The following UBE2E2 variants were observed in gnomAD, a reference collection of about 807,000 sequenced individuals.
UBE2E2 encodes the protein ubiquitin-conjugating enzyme E2 E2.
Under a neutral mutation model 24.7 loss-of-function variants are expected in UBE2E2, and 6 were observed. The observed-to-expected ratio is 0.24, with a 90% CI of 0.13 to 0.48. UBE2E2 has a LOEUF of 0.48. Among genes scored for constraint, UBE2E2 ranks in the 20% least tolerant of loss-of-function variants. The pLI, the probability that UBE2E2 is intolerant of heterozygous loss-of-function variation, is 0.99. For missense variants in UBE2E2, 169 were observed against 245.0 expected, an observed-to-expected ratio of 0.69 and a Z score of 2.07; for synonymous variants, 104 against 83.6, an observed-to-expected ratio of 1.24 and a Z score of -1.33.
intron 5 of UBE2E2, among the ~76,000 whole-genome samples, chr3:23,560,574 A>T (rs956746570): frequency 2.3e-4 from 35 of 152,030 alleles, no homozygotes; most frequent in Non-Finnish European, 3.4e-4. Context: ...TCCTTTGGGT[A>T]TACGCCCAGT....
chr3:23,434,504 C>T (rs1321213049), intron 3 of UBE2E2, among the ~76,000 whole-genome samples: 1 of 152,058 alleles, frequency 6.6e-6, no homozygotes, highest in Non-Finnish European at 1.5e-5. Flanking sequence ...CTATGTGTGT[C>T]CAAAGGAGTT....
intron 3 of UBE2E2, among the ~76,000 whole-genome samples, chr3:23,467,720 C>T (rs1226380815): frequency 6.6e-6 from 1 of 152,130 alleles, no homozygotes; most frequent in Non-Finnish European, 1.5e-5. Context: ...AGTACGTTCT[C>T]ACACTGCTAT....
intron 3 of UBE2E2, among the ~76,000 whole-genome samples, chr3:23,432,209 C>A (rs899191026): frequency 2.0e-5 from 3 of 152,082 alleles, no homozygotes; most frequent in Non-Finnish European, 4.4e-5. Flanking sequence ...GAGTTCTTGC[C>A]ATTCCTAATT....
intron 3 of UBE2E2, among the ~76,000 whole-genome samples, chr3:23,263,422 A>G (rs1440760295): frequency 6.6e-6 from 1 of 152,226 alleles, no homozygotes; most frequent in Non-Finnish European, 1.5e-5. Context: ...GCTTCTGCCT[A>G]TAATATTGAT....
intron 3 of UBE2E2, among the ~76,000 whole-genome samples, chr3:23,223,421 G>A (rs1249996551): frequency 6.6e-6 from 1 of 152,036 alleles, no homozygotes; most frequent in Non-Finnish European, 1.5e-5. Context: ...TCAAACTCCT[G>A]ACCTCAAGTG....
intron 3 of UBE2E2, among the ~76,000 whole-genome samples, chr3:23,263,516 T>C (rs1231288240): frequency 6.6e-6 from 1 of 152,240 alleles, no homozygotes; most frequent in East Asian, 1.9e-4. Context: ...AGTCACTTTT[T>C]GGAACATGAT....
intron 3 of UBE2E2, among the ~76,000 whole-genome samples, chr3:23,254,397 C>T (rs539439369): frequency 3.5e-4 from 53 of 152,152 alleles, no homozygotes; most frequent in East Asian, 1.9e-3. Flanking sequence ...TGGAAGTGTG[C>T]GTAGGTATTT....
intron 3 of UBE2E2, among the ~76,000 whole-genome samples, chr3:23,469,332 AATAG>A (rs1698987297): frequency 2.6e-5 from 4 of 152,348 alleles, no homozygotes; most frequent in South Asian, 4.1e-4. Context: ...GAGAGAAGAT[AATAG>A]ATAAAGAATG....
At chr3:23,571,640 G>C (rs948327570) in intron 5 of UBE2E2, among the ~76,000 whole-genome samples, 1 of 151,986 alleles carries the variant, frequency 6.6e-6, no homozygotes, top group African/African-American at 2.4e-5. Flanking sequence ...CGTACAGACC[G>C]CTTTTTTTGC....
intron 3 of UBE2E2, among the ~76,000 whole-genome samples, chr3:23,307,874 C>G (rs1359102335): frequency 6.6e-6 from 1 of 152,146 alleles, no homozygotes; most frequent in Non-Finnish European, 1.5e-5. Flanking sequence ...TAATGCCCTA[C>G]AATGTAAGCA....
chr3:23,275,308 G>A (rs1407383155), intron 3 of UBE2E2, among the ~76,000 whole-genome samples: 2 of 152,186 alleles, frequency 1.3e-5, no homozygotes, highest in South Asian at 2.1e-4. Context: ...GTAAAAGGAC[G>A]TGTTTTAGGC....
intron 3 of UBE2E2, among the ~76,000 whole-genome samples, chr3:23,435,784 G>A (rs777761647): frequency 1.6e-4 from 24 of 152,170 alleles, no homozygotes; most frequent in African/African-American, 5.8e-4. Flanking sequence ...GGATGGTTTC[G>A]CTAGGGGCCT....
At chr3:23,297,263 T>G (rs1179271121) in intron 3 of UBE2E2, among the ~76,000 whole-genome samples, 1 of 152,026 alleles carries the variant, frequency 6.6e-6, no homozygotes, top group East Asian at 1.9e-4. Context: ...GTAGGTTGCC[T>G]GTTCACTCTG....
chr3:23,578,041 T>C (rs1696387872), intron 5 of UBE2E2, among the ~76,000 whole-genome samples: 1 of 144,518 alleles, frequency 6.9e-6, no homozygotes, highest in Non-Finnish European at 1.5e-5. Context: ...CTTTTCAAAA[T>C]ACTAGTACTC....
chr3:23,422,774 ATTC>A (rs1345564007), intron 3 of UBE2E2, among the ~76,000 whole-genome samples: 1 of 152,198 alleles, frequency 6.6e-6, no homozygotes, highest in African/African-American at 2.4e-5. Context: ...TTGCTTGGAA[ATTC>A]TTCTGTTCCT....
intron 5 of UBE2E2, among the ~76,000 whole-genome samples, chr3:23,574,160 C>T (rs994029130): frequency 7.9e-5 from 12 of 151,778 alleles, no homozygotes; most frequent in African/African-American, 2.7e-4. Context: ...TATTTGTGAG[C>T]GCTAAAAATT....
chr3:23,311,560 C>T (rs1254982968), intron 3 of UBE2E2, among the ~76,000 whole-genome samples: 1 of 152,056 alleles, frequency 6.6e-6, no homozygotes, highest in Non-Finnish European at 1.5e-5. Context: ...CCAGTGGCTG[C>T]TTGTACAACC....
intron 3 of UBE2E2, among the ~76,000 whole-genome samples, chr3:23,399,003 G>A (rs1252144878): frequency 1.3e-5 from 2 of 152,176 alleles, no homozygotes; most frequent in Non-Finnish European, 2.9e-5. Context: ...GTGGATGCCT[G>A]AAACCTCAGA....
intron 3 of UBE2E2, among the ~76,000 whole-genome samples, chr3:23,477,292 A>G (rs1446010726): frequency 6.6e-6 from 1 of 152,222 alleles, no homozygotes; most frequent in Non-Finnish European, 1.5e-5. Flanking sequence ...TTTGAAATAG[A>G]AAAATGCAAC....
Sources: allele counts gnomAD v4.1 joint callset (sites outside exome capture counted in the v4.1 genomes callset), GRCh38; gene constraint gnomAD v4.1.1; transcripts MANE v1.5; gene names NCBI Gene and HGNC (gene_info 2026-07-23, HGNC 2026-07-21).